The following RELCH variants were observed in gnomAD, a reference collection of about 807,000 sequenced individuals.
The protein encoded by RELCH is RAB11 binding and LisH domain, coiled-coil and HEAT repeat containing.
In RELCH, 41 loss-of-function variants were observed where a neutral mutation model predicts 150.3. That is an observed-to-expected ratio of 0.27 (90% CI 0.21 to 0.35). The LOEUF (loss-of-function observed/expected upper bound fraction) is 0.35. RELCH is among the 10% of genes least tolerant of loss of function. RELCH has a pLI of 1.00. For missense variants in RELCH, 1,092 were observed against 1,467.8 expected (o/e 0.74, Z 4.18); for synonymous variants, 478 against 531.8 (o/e 0.90, Z 1.39).
At position 62,266,203 on chromosome 18, in the gene RELCH, A is replaced by G. The variant is rs992639138; in HGVS notation, c.2632-498A>G. 5.3e-5 allele frequency among the ~76,000 whole-genome samples: 8 copies of G among 151,940 alleles called. No individual in the cohort carries two copies. In the South Asian group the frequency reaches 8.3e-4, roughly 16 times the overall value. Reference sequence around the variant, plus strand: ...GTTAAATTCTGTATTTCATATTTCAATTTGAAAAGTTGTAATAAAAGATGA... The same window carrying G: ...GTTAAATTCTGTATTTCATATTTCAGTTTGAAAAGTTGTAATAAAAGATGA... On this transcript the variant is annotated intron_variant, in intron 18 of 28. Coordinates refer to ENST00000644646, the MANE Select transcript of RELCH (RefSeq NM_001346231.2).
chr18:62,269,622 G>A (rs1276986182), intron 20 of RELCH: 1 of 186,128 alleles, frequency 5.4e-6, no homozygotes, highest in African/African-American at 2.4e-5. Flanking sequence ...GGACAATCTG[G>A]TTGGTTGGCA....
chr18:62,207,050 A>G (rs542738284), intron 1 of RELCH, among the ~76,000 whole-genome samples: 32 of 152,164 alleles, frequency 2.1e-4, no homozygotes, highest in Admixed American at 5.2e-4. Flanking sequence ...CATTTTTAGT[A>G]TATTTACAGA....
In RELCH at chr18:62,264,338, C is replaced by T. The variant is rs116630507; in HGVS notation, c.2507+193C>T. Among the ~76,000 whole-genome samples the T allele has an allele frequency of 5.4e-3, 826 of 152,088 alleles. 4 individuals carry two copies. The highest frequency in any genetic ancestry group is 0.019 in the African/African-American group (783 of 41,504). Reference sequence around the variant, plus strand: ...GAAGAAGATGTTGCTGTATTTTATCCGAATGATCTATCTGCCATCTTGTTT... The same window carrying T: ...GAAGAAGATGTTGCTGTATTTTATCTGAATGATCTATCTGCCATCTTGTTT... On this transcript the variant is annotated intron_variant, in intron 17 of 28. Transcript: ENST00000644646.
At chr18:62,213,729 C>CAAAAAAAA (rs5825484) in intron 2 of RELCH, among the ~76,000 whole-genome samples, 2 of 80,466 alleles carry the variant, frequency 2.5e-5, no homozygotes, top group South Asian at 5.2e-4. Context: ...GACTCAGTCT[C>CAAAAAAAA]AAAAAAAAAA....
intron 22 of RELCH, among the ~76,000 whole-genome samples, chr18:62,276,528 G>T (rs1260062062): frequency 6.6e-6 from 1 of 151,864 alleles, no homozygotes; most frequent in Non-Finnish European, 1.5e-5. Flanking sequence ...AACTAAAATT[G>T]CCCCAATATT....
intron 22 of RELCH, among the ~76,000 whole-genome samples, chr18:62,278,527 A>G (rs947945934): frequency 7.2e-5 from 11 of 152,140 alleles, no homozygotes; most frequent in Admixed American, 6.6e-5. Context: ...CTGATGTGTT[A>G]TATAGGAGGA....
rs2045957450 is a variant in RELCH, at chr18:62,309,528, C to A, written c.*3994C>A. 1 of 152,072 alleles carries A rather than the reference C, an allele frequency of 6.6e-6. No homozygotes were observed. Among genetic ancestry groups the A allele is most frequent in the African/African-American group, 2.4e-5 (1 of 41,410 alleles). 9.4% of individuals were successfully genotyped at this position (152,072 alleles called of 1,614,324 possible). ...TAAAACATCCTATTCTCTGTTAAGA[C>A]CACACCAATCATAAAGTACATAACA... On this transcript the variant is annotated 3_prime_UTR_variant, in exon 29 of 29. Transcript: ENST00000644646.
chr18:62,298,106 A>G (rs1441284296), intron 27 of RELCH, among the ~76,000 whole-genome samples: 1 of 143,692 alleles, frequency 7.0e-6, no homozygotes. Context: ...CCCCCCGTCT[A>G]AAAAGATACC....
intron 9 of RELCH, among the ~76,000 whole-genome samples, chr18:62,231,501 A>G (rs9950912): frequency 0.099 from 15,089 of 151,998 alleles, 867 homozygotes; most frequent in East Asian, 0.19. Flanking sequence ...GTGACATTTT[A>G]TAAACTCTAT....
At chr18:62,195,760 G>A (rs12327402) in intron 1 of RELCH, among the ~76,000 whole-genome samples, 39,788 of 150,868 alleles carry the variant, frequency 0.26, 5,792 homozygotes, top group Middle Eastern at 0.47. Context: ...CAGTGGTGCA[G>A]TCTTGGCTCA....
intron 18 of RELCH, 104 bp downstream of exon 18, chr18:62,264,956 A>G: frequency 2.2e-6 from 2 of 927,224 alleles, no homozygotes; most frequent in Non-Finnish European, 3.1e-6. Context: ...TCTTTTATCT[A>G]ATTCGCTTCT....
intron 5 of RELCH, among the ~76,000 whole-genome samples, chr18:62,223,141 T>G (rs1473298597): frequency 1.3e-5 from 2 of 151,480 alleles, no homozygotes; most frequent in Non-Finnish European, 2.9e-5. Flanking sequence ...ATAGCATAAG[T>G]CAATGACACA....
intron 16 of RELCH, 141 bp downstream of exon 16, chr18:62,261,799 GGTCATAAGATTATA>G: frequency 1.1e-5 from 7 of 651,726 alleles, no homozygotes; most frequent in Non-Finnish European, 1.7e-5. Context: ...AGAATCTCAT[GGTCATAAGATTATA>G]CGTATGGTAA....
At chr18:62,263,266 TA>T (rs2043369029) in intron 16 of RELCH, among the ~76,000 whole-genome samples, 1 of 152,074 alleles carries the variant, frequency 6.6e-6, no homozygotes, top group East Asian at 1.9e-4. Context: ...AAATGATTCT[TA>T]AATGTCATCT....
intron 1 of RELCH, among the ~76,000 whole-genome samples, chr18:62,199,961 A>G (rs2039319785): frequency 2.2e-5 from 3 of 138,328 alleles, no homozygotes; most frequent in Non-Finnish European, 3.2e-5. Flanking sequence ...AATGTTAATA[A>G]TAATAATTAC....
rs1362781823 is a variant in RELCH at position 62,192,298 on chromosome 18, T to A, written c.526+4267T>A. Among the ~76,000 whole-genome samples, 3 of 152,232 alleles carry A rather than the reference T, an allele frequency of 2.0e-5. 1 individual carries two copies. The East Asian group carries it at 5.8e-4, about 29-fold the overall frequency. ...GTAGACTCTGGATGTTAGACCTTTA[T>A]CAGATGTATAGGTTGCAAACATTTT... is the stretch of plus-strand genomic sequence containing the variant. On this transcript the variant is annotated intron_variant, in intron 1 of 28. Transcript: ENST00000644646.
intron 11 of RELCH, among the ~76,000 whole-genome samples, chr18:62,247,964 A>C (rs1321819855): frequency 1.3e-5 from 2 of 152,204 alleles, no homozygotes; most frequent in Non-Finnish European, 2.9e-5. Flanking sequence ...ACCATAGCTC[A>C]TAATACATCC....
chr18:62,201,395 C>T (rs1031437528), intron 1 of RELCH, among the ~76,000 whole-genome samples: 3 of 152,060 alleles, frequency 2.0e-5, no homozygotes, highest in African/African-American at 7.2e-5. Context: ...ATTTCTTTCT[C>T]ATGACAGATT....
In RELCH at chr18:62,269,704, T is replaced by C. The variant is rs543123023; in HGVS notation, c.2760+756T>C. ...AATCATTTTCTTATACTTTTTCACA[T>C]GTAAGTACTTAACAATAAGAAAATA... On this transcript the variant is annotated intron_variant, in intron 20 of 28. Transcript: ENST00000644646. Among the ~76,000 whole-genome samples the C allele has an allele frequency of 1.8e-3, 275 of 152,288 alleles. 1 individual carries two copies. Among genetic ancestry groups the C allele is most frequent in the African/African-American group, 6.5e-3 (270 of 41,558 alleles).
Sources: allele counts gnomAD v4.1 joint callset (sites outside exome capture counted in the v4.1 genomes callset), GRCh38; gene constraint gnomAD v4.1.1; transcripts MANE v1.5; gene names NCBI Gene and HGNC (gene_info 2026-07-23, HGNC 2026-07-21).